The following ABR variants were observed in gnomAD, a reference collection of about 807,000 sequenced individuals.
ABR encodes the protein ABR activator of RhoGEF and GTPase.
ABR carries 35 observed loss-of-function variants against 107.2 expected under a neutral mutation model. That is an observed-to-expected ratio of 0.33 (90% CI 0.25 to 0.43). ABR has a LOEUF of 0.43. ABR is among the 20% of genes least tolerant of loss of function. The probability of loss-of-function intolerance (pLI) is 1.00; values close to 1 mark genes in which losing one functional copy is unlikely to be tolerated. For synonymous variants in ABR, 498 were observed against 462.0 expected (o/e 1.08, Z -1.00); for missense variants, 815 against 1,115.2 (o/e 0.73, Z 3.83).
intron 1 of ABR, among the ~76,000 whole-genome samples, chr17:1,152,846 C>A (rs943058946): frequency 2.6e-5 from 4 of 152,078 alleles, no homozygotes; most frequent in Admixed American, 6.6e-5. Flanking sequence ...GTAATCCCAG[C>A]ACTTTGGGAG....
chr17:1,058,981 C>T (rs2033644380), intron 10 of ABR, 114 bp from the exon 11 acceptor site: 13 of 1,471,130 alleles, frequency 8.8e-6, no homozygotes, highest in South Asian at 1.3e-5. Flanking sequence ...TTCCGTATTT[C>T]GTGATGTTTT....
chr17:1,009,924 C>T, intron 20 of ABR, 140 bp from the exon 21 acceptor site: 1 of 701,002 alleles, frequency 1.4e-6, no homozygotes, highest in South Asian at 1.7e-5. Flanking sequence ...AGGGGAGGGC[C>T]TGGTGTCTGG....
intron 1 of ABR, among the ~76,000 whole-genome samples, chr17:1,195,199 CG>C (rs2042531537): frequency 1.4e-5 from 2 of 145,120 alleles, no homozygotes; most frequent in Non-Finnish European, 3.0e-5. Flanking sequence ...CCCAGCTACT[CG>C]GGAGGCTGAG....
rs1269362104 is a variant in ABR, at chr17:1,079,179, GCTCACA to G, written c.700+145_700+150del. On this transcript the variant is annotated intron_variant, in intron 6 of 22. Coordinates refer to ENST00000302538, the MANE Select transcript of ABR (RefSeq NM_021962.5). ...TCGCGTGCGCGCACACGCGCACTCA[GCTCACA>G]CTCACACGCGCTCACACACGCTCAC... 6.8e-6 allele frequency: 10 copies of G among 1,471,564 alleles called. No individual in the cohort carries two copies. In the East Asian group the frequency reaches 2.2e-4, roughly 33 times the overall value. 91.2% of individuals were successfully genotyped at this position (1,471,564 alleles called of 1,614,324 possible). A position where few individuals can be genotyped will look rare whatever the true frequency, so the allele number is the denominator to read the frequency against.
intron 6 of ABR, among the ~76,000 whole-genome samples, chr17:1,077,138 C>T (rs996190248): frequency 1.3e-5 from 2 of 152,174 alleles, no homozygotes; most frequent in Admixed American, 1.3e-4. Context: ...TGGGTAGATC[C>T]ACCCGCACTC....
At chr17:1,115,906 G>A (rs974248124) in intron 2 of ABR, among the ~76,000 whole-genome samples, 2 of 150,310 alleles carry the variant, frequency 1.3e-5, no homozygotes, top group East Asian at 2.0e-4. Context: ...CAGCCTGGGT[G>A]ACAGAAGGAG....
chr17:1,009,534 G>A (rs1020533158), intron 21 of ABR, 145 bp downstream of exon 21: 166 of 672,624 alleles, frequency 2.5e-4, no homozygotes, highest in Non-Finnish European at 3.7e-4. Context: ...CAGCGCCCAC[G>A]AGGAGGGACT....
chr17:1,029,360 C>G (rs1354201045), intron 16 of ABR, among the ~76,000 whole-genome samples: 1 of 152,122 alleles, frequency 6.6e-6, no homozygotes, highest in Non-Finnish European at 1.5e-5. Flanking sequence ...TGCCTCCTCT[C>G]CCCCAGAAAC....
chr17:1,090,733 G>C (rs749662132), intron 4 of ABR, among the ~76,000 whole-genome samples: 1 of 152,228 alleles, frequency 6.6e-6, no homozygotes, highest in Non-Finnish European at 1.5e-5. Flanking sequence ...GAACACGGCA[G>C]GGGAGGGGAG....
intron 16 of ABR, among the ~76,000 whole-genome samples, chr17:1,033,050 G>C (rs1047976630): frequency 3.3e-5 from 5 of 152,204 alleles, no homozygotes; most frequent in Non-Finnish European, 7.3e-5. Context: ...AGTGAGGATG[G>C]GGAGGTCCCT....
chr17:1,053,805 A>C (rs2032878916), intron 14 of ABR, among the ~76,000 whole-genome samples: 1 of 151,984 alleles, frequency 6.6e-6, no homozygotes, highest in South Asian at 2.1e-4. Flanking sequence ...AACGGGAAGC[A>C]GGAGAGGGAG....
At chr17:1,153,914 G>A in intron 1 of ABR, 1 of 184,474 alleles carries the variant, frequency 5.4e-6, no homozygotes, top group South Asian at 8.6e-5. Context: ...CTGGTTTGAA[G>A]CCTGGTGGTC....
chr17:1,163,334 T>C (rs960432641), intron 1 of ABR, among the ~76,000 whole-genome samples: 5 of 152,236 alleles, frequency 3.3e-5, no homozygotes, highest in East Asian at 1.9e-4. Flanking sequence ...AAAATCTCAA[T>C]GTTTCTGTGA....
At position 1,108,786 on chromosome 17, in the gene ABR, C is replaced by T. The variant is rs376913108; in HGVS notation, c.247-8051G>A. On this transcript the variant is annotated intron_variant, in intron 2 of 22. Transcript: ENST00000302538. ...TCGGGGAGGCAGGCCCGCCCCTCTC[C>T]CCCGGGAACAGCTGCCGGGGCCGGG... 8.4e-4 allele frequency: 877 copies of T among 1,045,870 alleles called. 5 individuals are homozygous for T. In the African/African-American group the frequency reaches 0.014, roughly 16 times the overall value. The allele number at this position is 1,045,870 out of a possible 1,614,324, so 64.8% of individuals were successfully genotyped here.
At chr17:1,116,842 A>G (rs1052690093) in intron 2 of ABR, among the ~76,000 whole-genome samples, 6 of 152,170 alleles carry the variant, frequency 3.9e-5, no homozygotes, top group African/African-American at 1.2e-4. Context: ...TTCTCTTTGC[A>G]GCAGGGACCC....
chr17:1,015,409 C>A (rs2071066451), intron 16 of ABR, among the ~76,000 whole-genome samples: 2 of 125,908 alleles, frequency 1.6e-5, no homozygotes, highest in Admixed American at 1.7e-4. Flanking sequence ...CAGAGTGAGA[C>A]CCTGTCTCAA....
At chr17:1,085,110 C>CTTT (rs1230702293) in intron 4 of ABR, among the ~76,000 whole-genome samples, 13 of 126,114 alleles carry the variant, frequency 1.0e-4, no homozygotes, top group South Asian at 2.5e-4. Flanking sequence ...CCAATTAAAA[C>CTTT]TTTTTTTTTT....
At chr17:1,062,305 T>C (rs1371528796) in intron 10 of ABR, among the ~76,000 whole-genome samples, 10 of 149,816 alleles carry the variant, frequency 6.7e-5, no homozygotes, top group Admixed American at 1.3e-4. Flanking sequence ...GGGCTATGCA[T>C]GTTCCTCCAG....
intron 16 of ABR, among the ~76,000 whole-genome samples, chr17:1,043,766 C>CGCT (rs2031071351): frequency 6.6e-6 from 1 of 152,232 alleles, no homozygotes; most frequent in South Asian, 2.1e-4. Context: ...GGGTCTTCAG[C>CGCT]GCTGCTGTGC....
Sources: allele counts gnomAD v4.1 joint callset (sites outside exome capture counted in the v4.1 genomes callset), GRCh38; gene constraint gnomAD v4.1.1; transcripts MANE v1.5; gene names NCBI Gene and HGNC (gene_info 2026-07-23, HGNC 2026-07-21).